Variants in ANKRD27 observed in about 807,000 individuals in gnomAD.
The protein encoded by ANKRD27 is ankyrin repeat domain 27, also known as ankyrin repeat domain-containing protein 27.
Under a neutral mutation model 129.7 loss-of-function variants are expected in ANKRD27, and 112 were observed. The observed-to-expected ratio is 0.86, with a 90% CI of 0.74 to 1.01. The LOEUF is 1.01. Among genes scored for constraint, ANKRD27 ranks in the 50% least tolerant of loss-of-function variants. ANKRD27 has a pLI of 0.00. For synonymous variants in ANKRD27, 516 were observed against 511.2 expected (o/e 1.01, Z -0.13); for missense variants, 1,258 against 1,300.5 (o/e 0.97, Z 0.50).
intron 18 of ANKRD27, among the ~76,000 whole-genome samples, chr19:32,621,923 G>GT (rs1405595900): frequency 6.6e-6 from 1 of 152,164 alleles, no homozygotes; most frequent in Non-Finnish European, 1.5e-5. Flanking sequence ...CGAGAGGGGA[G>GT]CACTTCACAA....
intron 18 of ANKRD27, 26 bp from the exon 19 acceptor site, chr19:32,619,579 A>G: frequency 6.2e-7 from 1 of 1,613,630 alleles, no homozygotes; most frequent in Non-Finnish European, 8.5e-7. Context: ...GGATGCCAAC[A>G]GTACCCCGTG....
In ANKRD27 at chr19:32,675,155, C is replaced by T. The variant is rs1967962796; in HGVS notation, c.-115G>A. ...TCCGCTGCTGGGACCTCGATGCCCA[C>T]CACCCTCGCGCGGCGATCTGGCCCT... On this transcript the variant is annotated 5_prime_UTR_variant, in exon 1 of 29. The change creates a new upstream start codon in the 5' untranslated region. Transcript: ENST00000306065. 6.6e-6 allele frequency: 1 copy of T among 152,418 alleles called. No homozygotes were observed. Among genetic ancestry groups the T allele is most frequent in the African/African-American group, 2.4e-5 (1 of 41,460 alleles). 9.4% of individuals were successfully genotyped at this position (152,418 alleles called of 1,614,324 possible).
At chr19:32,617,725 G>T (rs1599742056) in intron 20 of ANKRD27, 92 bp from the exon 21 acceptor site, 4 of 530,412 alleles carry the variant, frequency 7.5e-6, no homozygotes, top group Non-Finnish European at 1.4e-5. Context: ...CTATTGGCTT[G>T]ATTTGTGGAC....
intron 1 of ANKRD27, among the ~76,000 whole-genome samples, chr19:32,672,103 G>T (rs1417158592): frequency 6.6e-6 from 1 of 152,228 alleles, no homozygotes; most frequent in Non-Finnish European, 1.5e-5. Context: ...CCTCCTTAGA[G>T]ATGCACTCCC....
At chr19:32,618,951 G>A (rs73928815) in intron 20 of ANKRD27, among the ~76,000 whole-genome samples, 11,564 of 152,172 alleles carry the variant, frequency 0.076, 1,461 homozygotes, top group African/African-American at 0.26. Context: ...TGAAATCAGC[G>A]GACTTCTACA....
rs1443653692 is a variant in ANKRD27, at chr19:32,625,909, G to A, written c.1594C>T (p.Pro532Ser). 1.9e-6 allele frequency: 3 copies of A among 1,611,500 alleles called. No homozygotes were observed. The African/African-American group carries it at 4.0e-5, about 22-fold the overall frequency. Residue 532 changes from proline (P) to serine (S), a missense_variant, in exon 17 of 29, where the codon CCA becomes TCA. By Grantham distance (74) the Pro-to-Ser change is moderately conservative (BLOSUM62 -1). Coordinates refer to ENST00000306065, the MANE Select transcript of ANKRD27 (RefSeq NM_032139.3). ...AEVQDNNGNTPLHLACTYGHE... is the reference protein window; with the variant it reads ...AEVQDNNGNTSLHLACTYGHE... Reference sequence around the variant, plus strand: ...CCGTAGGTGCAGGCCAGGTGGAGTGGCGTATTCCCATTGTTGTCCTGCACT... The same window carrying A: ...CCGTAGGTGCAGGCCAGGTGGAGTGACGTATTCCCATTGTTGTCCTGCACT...
intron 12 of ANKRD27, among the ~76,000 whole-genome samples, chr19:32,634,089 A>G (rs923360225): frequency 1.3e-5 from 2 of 152,194 alleles, no homozygotes; most frequent in Non-Finnish European, 2.9e-5. Context: ...AATTTCCATG[A>G]AACTATATTA....
intron 12 of ANKRD27, 151 bp downstream of exon 12, chr19:32,639,205 G>C (rs1967147247): frequency 1.1e-6 from 1 of 885,360 alleles, no homozygotes; most frequent in East Asian, 2.6e-5. Context: ...TCTTCACTGA[G>C]TGATTTTTAA....
In ANKRD27 at chr19:32,621,376, C is replaced by A. The variant is rs1599744802; in HGVS notation, c.1827+1046G>T. Among the ~76,000 whole-genome samples the A allele has an allele frequency of 3.9e-5, 6 of 152,310 alleles. No homozygotes were observed. In the South Asian group the frequency reaches 1.2e-3, roughly 32 times the overall value. The stretch of plus-strand genomic sequence containing the variant: ...GCGCAATAACTCACACCTGTAATCC[C>A]AGTACTTTGGGAGGCCAAGGTGGGT... On this transcript the variant is annotated intron_variant, in intron 18 of 28. Transcript: ENST00000306065.
At chr19:32,630,683 T>C (rs980795601) in intron 13 of ANKRD27, among the ~76,000 whole-genome samples, 6 of 152,054 alleles carry the variant, frequency 3.9e-5, no homozygotes, top group African/African-American at 1.2e-4. Flanking sequence ...TAGGCTGGAG[T>C]GCAACGGCAC....
At chr19:32,611,276 C>T (rs898887638) in intron 22 of ANKRD27, among the ~76,000 whole-genome samples, 5 of 152,132 alleles carry the variant, frequency 3.3e-5, no homozygotes, top group Admixed American at 2.0e-4. Context: ...ACTGAGGGCC[C>T]GAGGGCTTCA....
At chr19:32,639,969 T>G (rs534856001) in intron 11 of ANKRD27, among the ~76,000 whole-genome samples, 1 of 150,454 alleles carries the variant, frequency 6.6e-6, no homozygotes, top group South Asian at 2.1e-4. Context: ...GTGCTGCCAT[T>G]TTTTTTTTTT....
At position 32,628,129 on chromosome 19, in the gene ANKRD27, G is replaced by C. The variant is rs746318962; in HGVS notation, c.1374C>G (p.Ser458=). The C allele has an allele frequency of 6.2e-7, 1 of 1,614,202 alleles. No homozygotes were observed. Among genetic ancestry groups the C allele is most frequent in the South Asian group, 1.1e-5 (1 of 91,084 alleles). Residue 458 remains serine (S), a synonymous_variant, in exon 15 of 29, where the codon TCC becomes TCG. Coordinates refer to ENST00000306065, the MANE Select transcript of ANKRD27 (RefSeq NM_032139.3). ...GAGGGGTGTGCCCCCTGTCGTCTCT[G>C]GAGAATGGAGTGACAACTGAGGGAT... ...LNDPSVVTPF[S]RDDRGHTPLH...
intron 26 of ANKRD27, among the ~76,000 whole-genome samples, chr19:32,601,611 CAAAAAAA>C (rs386388881): frequency 1.5e-4 from 10 of 65,162 alleles, no homozygotes; most frequent in African/African-American, 4.9e-4. Context: ...GACTCTGTCT[CAAAAAAA>C]AAAAAAAAAA....
At chr19:32,647,701 C>A (rs899730393) in intron 3 of ANKRD27, among the ~76,000 whole-genome samples, 2 of 152,194 alleles carry the variant, frequency 1.3e-5, no homozygotes, top group African/African-American at 4.8e-5. Flanking sequence ...AGCTGTCAGT[C>A]AGCTTAGTTG....
chr19:32,648,150 C>T (rs1967338833), intron 3 of ANKRD27, among the ~76,000 whole-genome samples: 1 of 151,992 alleles, frequency 6.6e-6, no homozygotes, highest in South Asian at 2.1e-4. Context: ...CTTGCAGTCC[C>T]AGACACTCAG....
intron 1 of ANKRD27, among the ~76,000 whole-genome samples, chr19:32,659,933 CAATAAA>C (rs933913467): frequency 6.6e-6 from 1 of 151,936 alleles, no homozygotes; most frequent in Admixed American, 6.6e-5. Flanking sequence ...CAAAAATAAA[CAATAAA>C]AATAAACAAT....
Position 32,628,744 on chromosome 19 carries a change from C to G in ANKRD27, c.1315G>C (p.Asp439His). 1 of 1,614,098 alleles carries G rather than the reference C, an allele frequency of 6.2e-7. No individual in the cohort carries two copies. Among genetic ancestry groups the G allele is most frequent in the South Asian group, 1.1e-5 (1 of 91,072 alleles). ...TACCCAGAGACGAGTTTCTCACAGT[C>G]ATCGCAGAAGCAGAGAGGGTGACAC... ...KMCHPLCFCDDCEKLVSGRLN... is the reference protein window; with the variant it reads ...KMCHPLCFCDHCEKLVSGRLN... The change falls in exon 14 of 29, where the codon GAC becomes CAC. Residue 439 changes from aspartate (D) to histidine (H), a missense_variant. Physicochemically the swap from Asp to His is moderately conservative, Grantham distance 81. Transcript: ENST00000306065.
At chr19:32,604,205 C>A (rs1971695399) in intron 25 of ANKRD27, 58 bp downstream of exon 25, 12 of 1,532,922 alleles carry the variant, frequency 7.8e-6, no homozygotes, top group Non-Finnish European at 1.1e-5. Flanking sequence ...ACAAAGGGAT[C>A]CAGAGGGAGC....
Sources: allele counts gnomAD v4.1 joint callset (sites outside exome capture counted in the v4.1 genomes callset), GRCh38; gene constraint gnomAD v4.1.1; transcripts MANE v1.5; gene names NCBI Gene and HGNC (gene_info 2026-07-23, HGNC 2026-07-21).